Variants in GLIS3 observed in about 807,000 individuals in gnomAD.
GLIS3 encodes the protein zinc finger protein GLIS3.
Under a neutral mutation model 78.6 loss-of-function variants are expected in GLIS3, and 53 were observed. The observed-to-expected ratio is 0.67, with a 90% confidence interval of 0.54 to 0.85. The LOEUF is 0.85. Ranked by LOEUF, GLIS3 falls within the 40% of genes least tolerant of loss-of-function variation. GLIS3 has a pLI of 0.00. For synonymous variants in GLIS3, 684 were observed against 509.9 expected (o/e 1.34, Z -4.60); for missense variants, 1,703 against 1,231.1 (o/e 1.38, Z -5.74).
In GLIS3 at chr9:3,867,715, TTGTGTGTGTGTGTGCGTGCGTGTG is replaced by T. The variant is rs199738226; in HGVS notation, c.2298-11555_2298-11532del. On this transcript the variant is annotated intron_variant, in intron 8 of 10. Transcript: ENST00000381971. ...CAACTTTTATTACATTCAACAATTC[TTGTGTGTGTGTGTGCGTGCGTGTG>T]TGTGTGTGTGTGTGTGAGTGCATGT... Among the ~76,000 whole-genome samples the T allele has an allele frequency of 3.8e-3, 62 of 16,298 alleles. No homozygotes were observed. The East Asian group carries it at 0.25, about 65-fold the overall frequency. 10.7% of individuals were successfully genotyped at this position (16,298 alleles called of 152,430 possible). A position where few individuals can be genotyped will look rare whatever the true frequency, so the allele number is the denominator to read the frequency against.
intron 4 of GLIS3, among the ~76,000 whole-genome samples, chr9:4,086,834 T>A (rs539949390): frequency 1.6e-4 from 24 of 152,306 alleles, no homozygotes; most frequent in Middle Eastern, 3.4e-3. Context: ...AATCTCTTTT[T>A]CCCCTCAAGT....
At chr9:4,423,191 G>A in the GLIS3 span, among the ~76,000 whole-genome samples, 5 of 152,036 alleles carry the variant, frequency 3.3e-5, no homozygotes, top group African/African-American at 7.2e-5. Flanking sequence ...AACAAGTGCC[G>A]ATTATCAGAG....
chr9:4,270,846 G>C lies in GLIS3; in HGVS notation c.388+15192C>G, dbSNP rs538167574. Among the ~76,000 whole-genome samples, 10 of 152,066 alleles carry C rather than the reference G, an allele frequency of 6.6e-5. No homozygotes were observed. In the South Asian group the frequency reaches 2.1e-3, roughly 32 times the overall value. On this transcript the variant is annotated intron_variant, in intron 2 of 10. Coordinates refer to ENST00000381971, the MANE Select transcript of GLIS3 (RefSeq NM_001042413.2). Reference sequence around the variant, plus strand: ...CTTCTCAGCCTCCTTTACTGCATGAGCCAATTCCTCATAATAAATCAATCT... The same window carrying C: ...CTTCTCAGCCTCCTTTACTGCATGACCCAATTCCTCATAATAAATCAATCT...
the GLIS3 span, among the ~76,000 whole-genome samples, chr9:4,489,848 T>C: frequency 6.6e-6 from 1 of 152,226 alleles, no homozygotes; most frequent in Non-Finnish European, 1.5e-5. Flanking sequence ...CCAAGCCCAG[T>C]GTCCACAGAC....
chr9:4,037,594 A>T (rs568052814), intron 4 of GLIS3, among the ~76,000 whole-genome samples: 1 of 152,012 alleles, frequency 6.6e-6, no homozygotes, highest in Non-Finnish European at 1.5e-5. Context: ...AGAGACAATA[A>T]ATCCTGGGGG....
At chr9:4,397,768 AAGGAG>A in the GLIS3 span, among the ~76,000 whole-genome samples, 1 of 146,716 alleles carries the variant, frequency 6.8e-6, no homozygotes, top group South Asian at 2.3e-4. Flanking sequence ...GAGGAGAGGA[AAGGAG>A]AGGAGGGGAG....
intron 4 of GLIS3, among the ~76,000 whole-genome samples, chr9:3,939,029 G>C (rs1411452618): frequency 1.3e-5 from 2 of 152,084 alleles, no homozygotes; most frequent in African/African-American, 4.8e-5. Flanking sequence ...ACCACACTTA[G>C]GTCTGAAGTG....
intron 4 of GLIS3, among the ~76,000 whole-genome samples, chr9:4,106,674 A>C (rs893047887): frequency 2.0e-5 from 3 of 152,210 alleles, no homozygotes; most frequent in African/African-American, 7.2e-5. Flanking sequence ...CATTGTGTGT[A>C]TCAAATAAGC....
At chr9:4,443,063 G>A in the GLIS3 span, among the ~76,000 whole-genome samples, 1 of 152,160 alleles carries the variant, frequency 6.6e-6, no homozygotes, top group South Asian at 2.1e-4. Flanking sequence ...TCCAAGCATT[G>A]ATTGGTAGCA....
At chr9:4,255,716 G>C (rs540052596) in intron 2 of GLIS3, among the ~76,000 whole-genome samples, 43 of 152,242 alleles carry the variant, frequency 2.8e-4, no homozygotes, top group African/African-American at 9.1e-4. Context: ...GGGAAAGGGA[G>C]GGATGAATAG....
At chr9:3,935,185 C>A (rs1365111515) in intron 5 of GLIS3, among the ~76,000 whole-genome samples, 1 of 152,098 alleles carries the variant, frequency 6.6e-6, no homozygotes, top group East Asian at 1.9e-4. Flanking sequence ...ATTCTTCAAG[C>A]AAGTATAGTT....
the GLIS3 span, among the ~76,000 whole-genome samples, chr9:4,477,622 C>A: frequency 6.6e-6 from 1 of 152,038 alleles, no homozygotes; most frequent in African/African-American, 2.4e-5. Flanking sequence ...CTATGTTGCC[C>A]AAGCTGGTTT....
At chr9:4,487,744 G>C in the GLIS3 span, among the ~76,000 whole-genome samples, 2 of 151,664 alleles carry the variant, frequency 1.3e-5, no homozygotes, top group African/African-American at 2.4e-5. Flanking sequence ...CTGGAGTACA[G>C]TGGTACAATT....
intron 2 of GLIS3, among the ~76,000 whole-genome samples, chr9:4,254,743 G>A (rs1364320419): frequency 6.6e-6 from 1 of 151,996 alleles, no homozygotes; most frequent in Admixed American, 6.6e-5. Flanking sequence ...GGGAGGCTGA[G>A]GCAGGAGAAT....
chr9:4,217,254 T>C (rs1820936010), intron 2 of GLIS3, among the ~76,000 whole-genome samples: 1 of 152,226 alleles, frequency 6.6e-6, no homozygotes, highest in African/African-American at 2.4e-5. Context: ...AGGGTATGCA[T>C]GTGCACTCAT....
At chr9:4,489,097 G>A in the GLIS3 span, among the ~76,000 whole-genome samples, 1 of 151,886 alleles carries the variant, frequency 6.6e-6, no homozygotes, top group East Asian at 1.9e-4. Context: ...TCAATCTCCT[G>A]ACCTCGTGAT....
At chr9:4,133,890 C>T (rs1225951143) in intron 2 of GLIS3, among the ~76,000 whole-genome samples, 1 of 148,930 alleles carries the variant, frequency 6.7e-6, no homozygotes, top group Non-Finnish European at 1.5e-5. Flanking sequence ...CATCTGTCCT[C>T]GCCTGAACGG....
chr9:3,840,062 T>C (rs1002560026), intron 9 of GLIS3, among the ~76,000 whole-genome samples: 1 of 152,200 alleles, frequency 6.6e-6, no homozygotes, highest in African/African-American at 2.4e-5. Flanking sequence ...TGAATGATTT[T>C]TTCTTGAGCG....
At chr9:4,435,943 C>T in the GLIS3 span, among the ~76,000 whole-genome samples, 6 of 150,986 alleles carry the variant, frequency 4.0e-5, no homozygotes, top group Admixed American at 6.6e-5. Context: ...AGCCAGACTC[C>T]GTCTCAAAAC....
Sources: allele counts gnomAD v4.1 joint callset (sites outside exome capture counted in the v4.1 genomes callset), GRCh38; gene constraint gnomAD v4.1.1; transcripts MANE v1.5; gene names NCBI Gene and HGNC (gene_info 2026-07-23, HGNC 2026-07-21).